SYCP1: variants seen among roughly 807,000 people sequenced by gnomAD.
The protein encoded by SYCP1 is cancer/testis antigen 8.
A neutral mutation model predicts 153.1 loss-of-function variants in SYCP1; 64 were observed. That is an observed-to-expected ratio of 0.42 (90% CI 0.34 to 0.51). SYCP1 has a LOEUF of 0.51. Ranked by LOEUF, SYCP1 falls within the 20% of genes least tolerant of loss-of-function variation. The pLI is 0.06. For synonymous variants in SYCP1, 384 were observed against 341.8 expected (o/e 1.12, Z -1.36); for missense variants, 997 against 1,049.0 (o/e 0.95, Z 0.68).
intron 16 of SYCP1, among the ~76,000 whole-genome samples, chr1:114,907,703 T>C (rs1472038325): frequency 6.6e-6 from 1 of 151,496 alleles, no homozygotes; most frequent in East Asian, 2.0e-4. Flanking sequence ...TGCCTCAGCC[T>C]CCCGAGTAGC....
intron 27 of SYCP1, among the ~76,000 whole-genome samples, chr1:114,962,433 C>T (rs899969623): frequency 6.6e-6 from 1 of 152,064 alleles, no homozygotes; most frequent in Non-Finnish European, 1.5e-5. Flanking sequence ...TCTTTTTAAA[C>T]TGTTGTTGCT....
chr1:114,928,253 A>C (rs1322692158), intron 23 of SYCP1, among the ~76,000 whole-genome samples: 1 of 152,022 alleles, frequency 6.6e-6, no homozygotes, highest in Non-Finnish European at 1.5e-5. Flanking sequence ...TATCTTAGTC[A>C]AAGTGCTAAA....
At chr1:114,945,728 C>G (rs1670664504) in intron 25 of SYCP1, among the ~76,000 whole-genome samples, 1 of 152,130 alleles carries the variant, frequency 6.6e-6, no homozygotes, top group African/African-American at 2.4e-5. Flanking sequence ...GTAATTTTCT[C>G]TGATAACTTT....
In SYCP1 at chr1:114,995,044, G is replaced by A. The variant is rs1240709975; in HGVS notation, c.*25G>A. ...ATTTCAGAGAATCAGTGTAGTTAAG[G>A]AGCCTAATAACGTGAAACTTATAGT... On this transcript the variant is annotated 3_prime_UTR_variant, in exon 32 of 32. Transcript: ENST00000369522. The A allele has an allele frequency of 6.4e-7, 1 of 1,573,264 alleles. No individual in the cohort carries two copies. The highest frequency in any genetic ancestry group is 1.9e-5 in the Admixed American group (1 of 51,874).
chr1:114,873,083 C>T (rs1557760113), intron 8 of SYCP1, among the ~76,000 whole-genome samples: 1 of 152,136 alleles, frequency 6.6e-6, no homozygotes, highest in Non-Finnish European at 1.5e-5. Flanking sequence ...TACTAGAGCC[C>T]TTAGTATATC....
At position 114,939,117 on chromosome 1, in the gene SYCP1, T is replaced by C. The variant is rs1015885121; in HGVS notation, c.1927-5222T>C. 2.6e-5 allele frequency among the ~76,000 whole-genome samples: 4 copies of C among 152,306 alleles called. 1 individual carries two copies. The South Asian group carries it at 6.2e-4, about 24-fold the overall frequency. On this transcript the variant is annotated intron_variant, in intron 23 of 31. Coordinates refer to ENST00000369522, the MANE Select transcript of SYCP1 (RefSeq NM_003176.4). The stretch of plus-strand genomic sequence containing the variant: ...AGAGATATATGTTCACCTATGTTCA[T>C]AGCAACATTATTCACAATAGCCAAA...
At chr1:114,877,392 TG>T (rs367994939) in intron 11 of SYCP1, among the ~76,000 whole-genome samples, 160 of 152,330 alleles carry the variant, frequency 1.1e-3, no homozygotes, top group African/African-American at 3.5e-3. Context: ...GCTTCCCAAA[TG>T]GAAAGCAATA....
Position 114,856,675 on chromosome 1 carries a change from C to A in SYCP1, c.193+18C>A, listed in dbSNP as rs774906396. The A allele has an allele frequency of 2.5e-6, 4 of 1,570,646 alleles. No individual in the cohort carries two copies. The South Asian group carries it at 4.6e-5, about 18-fold the overall frequency. On this transcript the variant is annotated intron_variant, in intron 3 of 31. Coordinates refer to ENST00000369522, the MANE Select transcript of SYCP1 (RefSeq NM_003176.4). Reference sequence around the variant, plus strand: ...TGATTCAGGTAGGAGCATGGAAAAGCAGTGTATCAGCTTATATAGAAACAT... The same window carrying A: ...TGATTCAGGTAGGAGCATGGAAAAGAAGTGTATCAGCTTATATAGAAACAT...
chr1:114,906,558 T>C (rs1367357210), intron 16 of SYCP1, among the ~76,000 whole-genome samples: 2 of 152,192 alleles, frequency 1.3e-5, no homozygotes, highest in Non-Finnish European at 2.9e-5. Flanking sequence ...TTATGTGTTG[T>C]ATTCTCATTT....
chr1:114,984,621 G>T (rs1393964788), intron 29 of SYCP1, 104 bp from the exon 30 acceptor site: 16 of 947,642 alleles, frequency 1.7e-5, no homozygotes, highest in African/African-American at 5.2e-5. Context: ...GGAGGTTTCT[G>T]ATTGCTAAGG....
At chr1:114,968,958 T>C (rs1409549382) in intron 27 of SYCP1, among the ~76,000 whole-genome samples, 2 of 152,094 alleles carry the variant, frequency 1.3e-5, no homozygotes, top group Non-Finnish European at 2.9e-5. Flanking sequence ...TCTGCTGGAG[T>C]TTGCTGGGGG....
chr1:114,928,272 TA>T (rs1446122277), intron 23 of SYCP1, among the ~76,000 whole-genome samples: 1 of 148,662 alleles, frequency 6.7e-6, no homozygotes, highest in Non-Finnish European at 1.5e-5. Context: ...AAACCAAAGA[TA>T]AAAAGAAACT....
intron 16 of SYCP1, among the ~76,000 whole-genome samples, chr1:114,904,832 A>T (rs2101643119): frequency 6.6e-6 from 1 of 152,292 alleles, no homozygotes; most frequent in African/African-American, 2.4e-5. Context: ...TTATGATGTT[A>T]CTTGCAGGTT....
rs538156370 is a variant in SYCP1 at position 114,946,500 on chromosome 1, T to C, written c.2247+119T>C. The C allele has an allele frequency of 4.7e-5, 26 of 551,774 alleles. No individual in the cohort carries two copies. In the East Asian group the frequency reaches 8.3e-4, roughly 18 times the overall value. The allele number at this position is 551,774 out of a possible 1,614,324, so 34.2% of individuals were successfully genotyped here. On this transcript the variant is annotated intron_variant, in intron 26 of 31. Transcript: ENST00000369522. ...AGCTATAGAATCAGAGTCTTAACTC[T>C]GAAAGGGATCTTATAGATCTTCTAG...
chr1:114,994,326 T>C lies in SYCP1; in HGVS notation c.2704-372T>C, dbSNP rs72695854. Among the ~76,000 whole-genome samples the C allele has an allele frequency of 6.4e-3, 971 of 151,490 alleles. 3 individuals are homozygous for C. Among genetic ancestry groups the C allele is most frequent in the Non-Finnish European group, 0.011 (757 of 67,558 alleles). ...TATAAGCTATAAATGTGAGTTTGAATAAACGGGGTCAGGGAAGGAGGACAA... is the reference window on the plus strand; with the variant it reads ...TATAAGCTATAAATGTGAGTTTGAACAAACGGGGTCAGGGAAGGAGGACAA... On this transcript the variant is annotated intron_variant, in intron 30 of 31. Transcript: ENST00000369522.
chr1:114,876,696 TTA>T (rs1665562545), intron 10 of SYCP1, 39 bp from the exon 11 acceptor site: 2 of 1,040,610 alleles, frequency 1.9e-6, no homozygotes, highest in African/African-American at 1.7e-5. Context: ...TGTTATAAAA[TTA>T]TGTTATGACA....
At chr1:114,921,649 A>C (rs1412394921) in intron 20 of SYCP1, among the ~76,000 whole-genome samples, 1 of 44,066 alleles carries the variant, frequency 2.3e-5, no homozygotes, top group Non-Finnish European at 5.3e-5. Context: ...ACTCTGTCTC[A>C]AAAAAAAAAA....
At chr1:114,933,625 G>A (rs537912886) in intron 23 of SYCP1, among the ~76,000 whole-genome samples, 7 of 152,242 alleles carry the variant, frequency 4.6e-5, no homozygotes, top group African/African-American at 7.2e-5. Flanking sequence ...GAGGATGTTC[G>A]AACCCATTGC....
chr1:114,877,553 C>T (rs1156946686), intron 11 of SYCP1, among the ~76,000 whole-genome samples: 2 of 152,056 alleles, frequency 1.3e-5, no homozygotes, highest in Non-Finnish European at 2.9e-5. Context: ...ATAAAAACCA[C>T]AAAAATAGAG....
Sources: allele counts gnomAD v4.1 joint callset (sites outside exome capture counted in the v4.1 genomes callset), GRCh38; gene constraint gnomAD v4.1.1; transcripts MANE v1.5; gene names NCBI Gene and HGNC (gene_info 2026-07-23, HGNC 2026-07-21).